Variants in KLHL1 observed in about 807,000 individuals in gnomAD.
The protein encoded by KLHL1 is kelch-like protein 1.
A neutral mutation model predicts 77.7 loss-of-function variants in KLHL1; 47 were observed. The ratio of observed to expected loss-of-function variants is 0.60; its 90% CI spans 0.48 to 0.77. The LOEUF is 0.77. KLHL1 is among the 30% of genes least tolerant of loss of function. The probability of loss-of-function intolerance (pLI) is 0.00; values close to 1 mark genes in which losing one functional copy is unlikely to be tolerated. For synonymous variants in KLHL1, 360 were observed against 325.2 expected (o/e 1.11, Z -1.15); for missense variants, 925 against 910.8 (o/e 1.02, Z -0.20).
intron 7 of KLHL1, among the ~76,000 whole-genome samples, chr13:69,749,543 T>G (rs888195487): frequency 6.6e-6 from 1 of 152,018 alleles, no homozygotes; most frequent in African/African-American, 2.4e-5. Flanking sequence ...TCTATAGAAG[T>G]TTTTAAGATA....
At position 69,719,410 on chromosome 13, in the gene KLHL1, A is replaced by G; in HGVS notation, c.1974T>C (p.Pro658=). 1 of 1,613,558 alleles carries G rather than the reference A, an allele frequency of 6.2e-7. No homozygotes were observed. Among genetic ancestry groups the G allele is most frequent in the African/African-American group, 1.3e-5 (1 of 74,976 alleles). The change falls in exon 9 of 11, where the codon CCT becomes CCC. Residue 658 remains proline (P), a synonymous_variant. Transcript: ENST00000377844. ...FLYAVGGHDA[P]ASNHCSRLLD... ...GTAGCCGGGAACAGTGATTTGAAGC[A>G]GGAGCATCATGACCTCCTACTGCAT...
chr13:70,096,096 A>T (rs1566571922), intron 1 of KLHL1, among the ~76,000 whole-genome samples: 1 of 152,082 alleles, frequency 6.6e-6, no homozygotes, highest in Non-Finnish European at 1.5e-5. Context: ...TTGTCCAGTG[A>T]TCAACACTTA....
chr13:69,850,019 T>A (rs961356531), intron 5 of KLHL1, among the ~76,000 whole-genome samples: 3 of 151,568 alleles, frequency 2.0e-5, no homozygotes, highest in Non-Finnish European at 4.4e-5. Flanking sequence ...ACTAAATGAT[T>A]TATTCCAGAC....
intron 3 of KLHL1, among the ~76,000 whole-genome samples, chr13:69,947,508 A>C (rs751658050): frequency 2.0e-5 from 3 of 152,056 alleles, no homozygotes; most frequent in African/African-American, 7.2e-5. Context: ...AATACACTTC[A>C]TAATAATTTA....
At position 70,093,831 on chromosome 13, in the gene KLHL1, C is replaced by T. The variant is rs59207074; in HGVS notation, c.497+13372G>A. ...GAACCTTAGTTTTAAATCCATTTGG[C>T]AATTAGAACTGCAGTTTTACTGTGA... On this transcript the variant is annotated intron_variant, in intron 1 of 10. Transcript: ENST00000377844. Among the ~76,000 whole-genome samples the T allele has an allele frequency of 1.4e-3, 207 of 152,172 alleles. 2 individuals are homozygous for T. The highest frequency in any genetic ancestry group is 4.8e-3 in the African/African-American group (201 of 41,530).
chr13:69,830,266 C>T lies in KLHL1; in HGVS notation c.1414+8710G>A, dbSNP rs568555799. 3.3e-4 allele frequency among the ~76,000 whole-genome samples: 50 copies of T among 150,158 alleles called. No homozygotes were observed. The South Asian group carries it at 0.01, about 31-fold the overall frequency. ...AATGAGTGGAAAAAGATATTCCATG[C>T]AAATGGACACCAAAAGTGAACAGGA... On this transcript the variant is annotated intron_variant, in intron 6 of 10. Coordinates refer to ENST00000377844, the MANE Select transcript of KLHL1 (RefSeq NM_020866.3).
chr13:70,043,947 T>C (rs1036406591), intron 1 of KLHL1, among the ~76,000 whole-genome samples: 7 of 152,228 alleles, frequency 4.6e-5, no homozygotes, highest in Non-Finnish European at 8.8e-5. Flanking sequence ...TGTTCCCTAC[T>C]GGTGTCTTCA....
chr13:69,813,503 C>CACACACACACACACACATATAT (rs34163072), intron 6 of KLHL1, among the ~76,000 whole-genome samples: 127 of 148,904 alleles, frequency 8.5e-4, no homozygotes, highest in African/African-American at 2.9e-3. Flanking sequence ...CACACACACA[C>CACACACACACACACACATATAT]ATATATATAT....
At chr13:69,798,170 G>T (rs949890503) in intron 6 of KLHL1, among the ~76,000 whole-genome samples, 2 of 152,130 alleles carry the variant, frequency 1.3e-5, no homozygotes, top group Non-Finnish European at 2.9e-5. Context: ...CTTCACCAAT[G>T]TTATACCTTC....
chr13:70,016,407 G>A (rs921643288), intron 1 of KLHL1, among the ~76,000 whole-genome samples: 1 of 152,208 alleles, frequency 6.6e-6, no homozygotes, highest in South Asian at 2.1e-4. Context: ...ACTCTTGGGG[G>A]CCCAGGAAGA....
At chr13:69,949,270 T>C (rs1178846462) in intron 3 of KLHL1, among the ~76,000 whole-genome samples, 1 of 151,868 alleles carries the variant, frequency 6.6e-6, no homozygotes, top group African/African-American at 2.4e-5. Flanking sequence ...ACATCTCATT[T>C]ACTCATTCTG....
intron 1 of KLHL1, among the ~76,000 whole-genome samples, chr13:69,995,286 A>C (rs1277881492): frequency 1.3e-5 from 2 of 152,090 alleles, no homozygotes; most frequent in Admixed American, 1.3e-4. Flanking sequence ...GTGTTGATTT[A>C]CGTGTGTATA....
chr13:70,105,174 G>A (rs1045837212), intron 1 of KLHL1, among the ~76,000 whole-genome samples: 1 of 152,016 alleles, frequency 6.6e-6, no homozygotes, highest in African/African-American at 2.4e-5. Context: ...TTGGTTGGTA[G>A]ATGGGTTAAT....
intron 9 of KLHL1, among the ~76,000 whole-genome samples, chr13:69,708,689 A>G (rs1875743065): frequency 6.6e-6 from 1 of 151,964 alleles, no homozygotes; most frequent in South Asian, 2.1e-4. Context: ...GAGTAGCAAA[A>G]CCCTGAAGAC....
chr13:69,996,710 C>A (rs1819512001), intron 1 of KLHL1, among the ~76,000 whole-genome samples: 1 of 151,986 alleles, frequency 6.6e-6, no homozygotes, highest in Non-Finnish European at 1.5e-5. Flanking sequence ...CATATACCAA[C>A]ACACTTTTCC....
At position 70,107,548 on chromosome 13, in the gene KLHL1, G is replaced by C; in HGVS notation, c.152C>G (p.Pro51Arg). 6.2e-7 allele frequency: 1 copy of C among 1,609,002 alleles called. No homozygotes were observed. The highest frequency in any genetic ancestry group is 8.5e-7 in the Non-Finnish European group (1 of 1,177,248). Residue 51 changes from proline (P) to arginine (R), a missense_variant, in exon 1 of 11, where the codon CCC becomes CGC. Coordinates refer to ENST00000377844, the MANE Select transcript of KLHL1 (RefSeq NM_020866.3). The part of the protein sequence containing the change: ...DGSGSFEHWG[P>R]SQSRLLKSQE... ...GCTTTTGAGCAGGCGACTCTGGCTGGGTCCCCAGTGCTCAAAGCTGCCACT... is the reference window on the plus strand; with the variant it reads ...GCTTTTGAGCAGGCGACTCTGGCTGCGTCCCCAGTGCTCAAAGCTGCCACT...
chr13:70,055,242 CAG>C (rs1297184498), intron 1 of KLHL1, among the ~76,000 whole-genome samples: 5 of 152,020 alleles, frequency 3.3e-5, no homozygotes, highest in Non-Finnish European at 7.4e-5. Context: ...GAGAACCTCA[CAG>C]TCCAGAAGAG....
intron 7 of KLHL1, among the ~76,000 whole-genome samples, chr13:69,748,736 T>C (rs757115472): frequency 2.6e-5 from 4 of 151,896 alleles, no homozygotes; most frequent in Non-Finnish European, 5.9e-5. Context: ...CGGCAAATGA[T>C]AAACTTTTAA....
intron 5 of KLHL1, among the ~76,000 whole-genome samples, chr13:69,861,849 T>C (rs1161453597): frequency 6.7e-6 from 1 of 148,164 alleles, no homozygotes; most frequent in East Asian, 2.0e-4. Context: ...CTTGTAATCC[T>C]AGCTACTCAG....
Sources: gnomAD v4.1 joint callset for allele counts (sites outside exome capture counted in the v4.1 genomes callset) on GRCh38, gnomAD v4.1.1 for gene constraint, MANE v1.5 for transcripts, NCBI Gene and HGNC (gene_info 2026-07-23, HGNC 2026-07-21) for gene names.